MARCHF1: variants seen among roughly 807,000 people sequenced by gnomAD.
MARCHF1 encodes the protein E3 ubiquitin-protein ligase MARCHF1.
MARCHF1 carries 40 observed loss-of-function variants against 54.2 expected under a neutral mutation model. The observed-to-expected ratio is 0.74, with a 90% CI of 0.57 to 0.96. The LOEUF (loss-of-function observed/expected upper bound fraction) is 0.96. Ranked by LOEUF, MARCHF1 falls within the 40% of genes least tolerant of loss-of-function variation. The pLI, the probability that MARCHF1 is intolerant of heterozygous loss-of-function variation, is 0.00. For synonymous variants in MARCHF1, 236 were observed against 236.3 expected (o/e 1.00, Z 0.01); for missense variants, 586 against 656.5 (o/e 0.89, Z 1.17).
chr4:164,034,104 T>TAGACAGATAGAC (rs1553971749), intron 2 of MARCHF1, among the ~76,000 whole-genome samples: 1 of 141,666 alleles, frequency 7.1e-6, no homozygotes, highest in Non-Finnish European at 1.5e-5. Context: ...GATAGATAGA[T>TAGACAGATAGAC]AGATAGATAG....
chr4:164,354,229 T>C (rs1182240749), intron 1 of MARCHF1, among the ~76,000 whole-genome samples: 2 of 124,618 alleles, frequency 1.6e-5, no homozygotes, highest in African/African-American at 5.8e-5. Flanking sequence ...TTCCAATCAA[T>C]AGAAAGAGAG....
intron 2 of MARCHF1, among the ~76,000 whole-genome samples, chr4:164,073,324 G>T (rs1318825854): frequency 6.6e-6 from 1 of 152,148 alleles, no homozygotes; most frequent in Non-Finnish European, 1.5e-5. Flanking sequence ...CCATAAAAAA[G>T]AATGATTTCA....
At chr4:163,786,623 C>T (rs1747627504) in intron 4 of MARCHF1, among the ~76,000 whole-genome samples, 1 of 151,804 alleles carries the variant, frequency 6.6e-6, no homozygotes. Flanking sequence ...AAATGTTAGA[C>T]TTACATATCA....
intron 4 of MARCHF1, among the ~76,000 whole-genome samples, chr4:163,786,243 ACTCTATTACTTTTTTAATTTTGAC>A (rs1210392087): frequency 2.6e-5 from 4 of 151,988 alleles, no homozygotes. Flanking sequence ...TCACTCTATG[ACTCTATTACTTTTTTAATTTTGAC>A]ATTTTGAAGC....
intron 1 of MARCHF1, among the ~76,000 whole-genome samples, chr4:164,368,082 A>G (rs1730929815): frequency 1.3e-5 from 2 of 151,624 alleles, no homozygotes; most frequent in Non-Finnish European, 2.9e-5. Flanking sequence ...CCAAGAAATC[A>G]GAAAATAGAA....
intron 5 of MARCHF1, among the ~76,000 whole-genome samples, chr4:163,627,482 A>C (rs540525044): frequency 1.7e-4 from 26 of 152,266 alleles, no homozygotes; most frequent in African/African-American, 6.0e-4. Context: ...TAGGGTATAC[A>C]TTTGGAGCAG....
intron 2 of MARCHF1, among the ~76,000 whole-genome samples, chr4:164,021,750 A>G (rs1177866062): frequency 6.6e-6 from 1 of 152,036 alleles, no homozygotes; most frequent in Admixed American, 6.5e-5. Flanking sequence ...CCAGCTAGTC[A>G]GGAGATGCGG....
chr4:164,240,257 A>G (rs906774120), intron 1 of MARCHF1, among the ~76,000 whole-genome samples: 7 of 152,238 alleles, frequency 4.6e-5, no homozygotes, highest in African/African-American at 1.7e-4. Flanking sequence ...TAAGCCTATT[A>G]GTAACAAACA....
chr4:163,896,593 A>C (rs1750811586), intron 3 of MARCHF1, among the ~76,000 whole-genome samples: 1 of 151,996 alleles, frequency 6.6e-6, no homozygotes, highest in South Asian at 2.1e-4. Flanking sequence ...TCTCACCTGG[A>C]CTTGTATAAT....
chr4:163,533,488 A>G (rs951221895), intron 9 of MARCHF1, among the ~76,000 whole-genome samples: 5 of 151,842 alleles, frequency 3.3e-5, no homozygotes, highest in Non-Finnish European at 7.4e-5. Flanking sequence ...GTGAGCCCCA[A>G]TGTAACTATG....
At chr4:164,335,969 TTC>T (rs1729729655) in intron 1 of MARCHF1, among the ~76,000 whole-genome samples, 1 of 152,170 alleles carries the variant, frequency 6.6e-6, no homozygotes, top group East Asian at 1.9e-4. Context: ...ACAGAAATAT[TTC>T]TCTTTTTTCA....
At chr4:164,302,931 T>C (rs1734601620) in intron 1 of MARCHF1, among the ~76,000 whole-genome samples, 1 of 144,844 alleles carries the variant, frequency 6.9e-6, no homozygotes, top group Non-Finnish European at 1.5e-5. Flanking sequence ...GAAGAAAGAA[T>C]AAACTCTATC....
At chr4:164,101,042 G>A (rs944279218) in intron 2 of MARCHF1, among the ~76,000 whole-genome samples, 1 of 152,248 alleles carries the variant, frequency 6.6e-6, no homozygotes, top group Non-Finnish European at 1.5e-5. Context: ...CCCGAATACT[G>A]CGCTTTTCCA....
chr4:163,670,388 G>GTCTGTCTATCTA (rs763757124), intron 5 of MARCHF1, among the ~76,000 whole-genome samples: 4 of 149,994 alleles, frequency 2.7e-5, no homozygotes, highest in East Asian at 3.9e-4. Flanking sequence ...CTATCTGTCT[G>GTCTGTCTATCTA]TCTATCTATC....
At chr4:163,745,147 C>G (rs1746320544) in intron 4 of MARCHF1, among the ~76,000 whole-genome samples, 2 of 147,416 alleles carry the variant, frequency 1.4e-5, no homozygotes, top group South Asian at 4.3e-4. Context: ...GAGTTTCACT[C>G]TGTCACCCAG....
At chr4:163,895,018 C>T (rs1208716548) in intron 3 of MARCHF1, among the ~76,000 whole-genome samples, 1 of 147,698 alleles carries the variant, frequency 6.8e-6, no homozygotes, top group African/African-American at 2.5e-5. Context: ...CATACACACA[C>T]ATATGCATGT....
At chr4:164,326,110 G>C (rs1239127886) in intron 1 of MARCHF1, among the ~76,000 whole-genome samples, 1 of 152,106 alleles carries the variant, frequency 6.6e-6, no homozygotes, top group Non-Finnish European at 1.5e-5. Flanking sequence ...TCATCAAGCA[G>C]TAAAGAAACC....
chr4:163,548,369 A>C (rs966764069), intron 8 of MARCHF1, among the ~76,000 whole-genome samples: 3 of 118,644 alleles, frequency 2.5e-5, no homozygotes, highest in African/African-American at 6.2e-5. Flanking sequence ...TTGGCTTAAA[A>C]TACTATTAAA....
At chr4:163,759,662 G>A (rs1746775537) in intron 4 of MARCHF1, among the ~76,000 whole-genome samples, 1 of 151,984 alleles carries the variant, frequency 6.6e-6, no homozygotes, top group African/African-American at 2.4e-5. Context: ...ATGCAGTGGG[G>A]GACATGGAGA....
Sources: allele counts gnomAD v4.1 joint callset (sites outside exome capture counted in the v4.1 genomes callset), GRCh38; gene constraint gnomAD v4.1.1; transcripts MANE v1.5; gene names NCBI Gene and HGNC (gene_info 2026-07-23, HGNC 2026-07-21).